The following PPP2R1B variants were observed in gnomAD, a reference collection of about 807,000 sequenced individuals.
PPP2R1B encodes the protein protein phosphatase 2 scaffold subunit Abeta.
A neutral mutation model predicts 72.7 loss-of-function variants in PPP2R1B; 58 were observed. The observed-to-expected ratio is 0.80, with a 90% CI of 0.65 to 0.99. PPP2R1B has a LOEUF of 0.99. PPP2R1B is among the 50% of genes least tolerant of loss of function. PPP2R1B has a pLI of 0.00. For synonymous variants in PPP2R1B, 256 were observed against 264.6 expected, an observed-to-expected ratio of 0.97 and a Z score of 0.32; for missense variants, 695 against 733.6, an observed-to-expected ratio of 0.95 and a Z score of 0.61.
chr11:111,741,283 G>A lies in PPP2R1B; in HGVS notation c.*313C>T. 1.7e-6 allele frequency: 2 copies of A among 1,171,554 alleles called. No individual in the cohort carries two copies. Among genetic ancestry groups the A allele is most frequent in the East Asian group, 4.9e-5 (1 of 20,434 alleles). The allele number at this position is 1,171,554 out of a possible 1,614,324, so 72.6% of individuals were successfully genotyped here. A position where few individuals can be genotyped will look rare whatever the true frequency, so the allele number is the denominator to read the frequency against. On this transcript the variant is annotated 3_prime_UTR_variant, in exon 15 of 15. Transcript: ENST00000527614. ...CCAGGCTTTGTCTGGAACATTATGT[G>A]GCTGGTGCCTGATTCCACAGTGAGG...
the PPP2R1B span, chr11:111,721,687 C>G: frequency 1.7e-6 from 1 of 574,498 alleles, no homozygotes; most frequent in Non-Finnish European, 3.0e-6. Context: ...CCTCAGCCTA[C>G]TGGCTCTGTA....
At chr11:111,734,893 G>A (rs1944295264), downstream of PPP2R1B, among the ~76,000 whole-genome samples, 1 of 152,250 alleles carries the variant, frequency 6.6e-6, no homozygotes, top group South Asian at 2.1e-4. Context: ...CTAGATGCTA[G>A]AGGCTGGCTC....
Position 111,755,439 on chromosome 11 carries a change from GC to G in PPP2R1B, c.698del (p.Arg233ProfsTer24). On this transcript the variant is annotated frameshift_variant, in exon 6 of 15. Coordinates refer to ENST00000527614, the MANE Select transcript of PPP2R1B (RefSeq NM_002716.5). LOFTEE classifies it high-confidence loss of function. Reference protein sequence around the residue: ...SLASDEQDSVRLLAVEACVSI... With the variant: ...SLASDEQDSVXLLAVEACVSI... ...TGACACAAGCTTCCACAGCAAGGAG[GC>G]GCACTGAATCCTAAAGGAACAAAAT... 6.2e-7 allele frequency: 1 copy of G among 1,604,410 alleles called. No homozygotes were observed.
chr11:111,715,803 T>C, the PPP2R1B span, among the ~76,000 whole-genome samples: 1 of 141,336 alleles, frequency 7.1e-6, no homozygotes, highest in South Asian at 2.5e-4. Flanking sequence ...CTTTTTTTTT[T>C]TTTTTTTTTT....
Position 111,739,778 on chromosome 11 carries a change from A to T in PPP2R1B, c.*1818T>A. On this transcript the variant is annotated 3_prime_UTR_variant, in exon 15 of 15. Coordinates refer to ENST00000527614, the MANE Select transcript of PPP2R1B (RefSeq NM_002716.5). ...ACAAAAAATAAAGACTCATGAAACT[A>T]AAATTAAAATGTTTACAGAATAATA... The T allele has an allele frequency of 1.0e-6, 1 of 970,554 alleles. No homozygotes were observed. The highest frequency in any genetic ancestry group is 1.2e-6 in the Non-Finnish European group (1 of 816,410). The allele number at this position is 970,554 out of a possible 1,614,324, so 60.1% of individuals were successfully genotyped here.
At chr11:111,702,037 C>A in the PPP2R1B span, among the ~76,000 whole-genome samples, 1 of 152,140 alleles carries the variant, frequency 6.6e-6, no homozygotes, top group South Asian at 2.1e-4. Context: ...GTTAAGTTTA[C>A]CCCTTAGTTT....
chr11:111,730,730 G>T (rs1039675117), intron 15 of PPP2R1B: 2 of 151,982 alleles, frequency 1.3e-5, no homozygotes, highest in Non-Finnish European at 2.9e-5. Context: ...TGCCTAAAAT[G>T]CAGTGTAATA....
the PPP2R1B span, chr11:111,721,020 G>A: frequency 8.1e-6 from 13 of 1,613,902 alleles, no homozygotes; most frequent in Admixed American, 3.3e-5. Flanking sequence ...ACCTGGCGCC[G>A]GCGGCTCCTC....
downstream of PPP2R1B, among the ~76,000 whole-genome samples, chr11:111,737,230 C>T (rs916308194): frequency 6.6e-6 from 1 of 152,128 alleles, no homozygotes; most frequent in Non-Finnish European, 1.5e-5. Flanking sequence ...CAGCTCTGGC[C>T]GGCGACCCAC....
At chr11:111,712,507 A>C in the PPP2R1B span, 1 of 938,892 alleles carries the variant, frequency 1.1e-6, no homozygotes, top group Non-Finnish European at 1.6e-6. Flanking sequence ...GCTTTTGTGG[A>C]GAAAAACCTT....
Position 111,740,072 on chromosome 11 carries a change from A to C in PPP2R1B, c.*1524T>G. On this transcript the variant is annotated 3_prime_UTR_variant, in exon 15 of 15. Transcript: ENST00000527614. ...AAACAGAACAGGACTTGTTAGATTT[A>C]AAAGAGGTTGTGAACAAAATCAACA... 1.0e-6 allele frequency: 1 copy of C among 985,416 alleles called. No homozygotes were observed. Among genetic ancestry groups the C allele is most frequent in the Non-Finnish European group, 1.2e-6 (1 of 829,878 alleles). 61.0% of individuals were successfully genotyped at this position (985,416 alleles called of 1,614,324 possible).
the PPP2R1B span, among the ~76,000 whole-genome samples, chr11:111,695,622 G>GCAT: frequency 1.3e-5 from 2 of 152,152 alleles, no homozygotes; most frequent in African/African-American, 4.8e-5. Flanking sequence ...AGCAGCATGA[G>GCAT]CATCACATCA....
At chr11:111,751,081 C>T (rs1379185996) in intron 10 of PPP2R1B, among the ~76,000 whole-genome samples, 2 of 152,134 alleles carry the variant, frequency 1.3e-5, no homozygotes, top group Non-Finnish European at 2.9e-5. Flanking sequence ...TCAAGTGATT[C>T]GCCTGCCTCT....
intron 10 of PPP2R1B, among the ~76,000 whole-genome samples, 162 bp from the exon 11 acceptor site, chr11:111,748,176 C>G (rs918501405): frequency 4.0e-5 from 6 of 151,202 alleles, no homozygotes; most frequent in Non-Finnish European, 7.4e-5. Context: ...AACCATAAAT[C>G]TATTTATTGG....
At chr11:111,699,788 A>G in the PPP2R1B span, among the ~76,000 whole-genome samples, 1 of 152,184 alleles carries the variant, frequency 6.6e-6, no homozygotes, top group East Asian at 1.9e-4. Context: ...GACTAAGTGT[A>G]TTTATCATTT....
the PPP2R1B span, among the ~76,000 whole-genome samples, chr11:111,711,096 A>G: frequency 1.3e-5 from 2 of 152,042 alleles, no homozygotes; most frequent in African/African-American, 4.8e-5. Flanking sequence ...GCCAATTGTC[A>G]TAAGGAAAAA....
intron 10 of PPP2R1B, among the ~76,000 whole-genome samples, chr11:111,751,624 T>A (rs1378516618): frequency 6.6e-6 from 1 of 152,220 alleles, no homozygotes; most frequent in Non-Finnish European, 1.5e-5. Context: ...GTCCCAAACA[T>A]GCTGGTCCCA....
chr11:111,722,004 C>G (rs566001461), downstream of PPP2R1B: 22 of 1,310,618 alleles, frequency 1.7e-5, no homozygotes, highest in African/African-American at 2.4e-4. This position sits in a 1 kb window ranked among gnomAD's most constrained non-coding sequence, Gnocchi z 4.4. Context: ...TTCTGCAAAG[C>G]AGAAACGTGT....
the PPP2R1B span, among the ~76,000 whole-genome samples, chr11:111,696,378 G>A: frequency 6.6e-6 from 1 of 152,158 alleles, no homozygotes; most frequent in Non-Finnish European, 1.5e-5. Context: ...ATTAGAGGAA[G>A]CTGGGTGAAG....
Sources: gnomAD v4.1 joint callset for allele counts (sites outside exome capture counted in the v4.1 genomes callset) on GRCh38, gnomAD v4.1.1 for gene constraint, Gnocchi (gnomAD v3.1) non-coding constraint, MANE v1.5 for transcripts, NCBI Gene and HGNC (gene_info 2026-07-23, HGNC 2026-07-21) for gene names.